TNR: variants seen among roughly 807,000 people sequenced by gnomAD.
TNR encodes tenascin-R.
In TNR, 45 loss-of-function variants were observed where a neutral mutation model predicts 150.4. The observed-to-expected ratio is 0.30, with a 90% CI of 0.24 to 0.38. TNR has a LOEUF of 0.38. TNR is among the 10% of genes least tolerant of loss of function. The pLI is 1.00. For missense variants in TNR, 1,544 were observed against 1,759.1 expected (o/e 0.88, Z 2.19); for synonymous variants, 687 against 678.4 (o/e 1.01, Z -0.20).
intron 2 of TNR, among the ~76,000 whole-genome samples, chr1:175,502,470 T>C (rs1261265638): frequency 6.6e-6 from 1 of 152,112 alleles, no homozygotes; most frequent in East Asian, 1.9e-4. Context: ...GCTCCTTGCC[T>C]CAAATTGACA....
At chr1:175,592,188 A>G (rs1028183177) in intron 1 of TNR, among the ~76,000 whole-genome samples, 2 of 152,220 alleles carry the variant, frequency 1.3e-5, no homozygotes, top group Non-Finnish European at 2.9e-5. Context: ...AAGACATAAG[A>G]GATAACTTAT....
intron 1 of TNR, among the ~76,000 whole-genome samples, chr1:175,555,631 T>A (rs1661126965): frequency 6.6e-6 from 1 of 152,134 alleles, no homozygotes; most frequent in Non-Finnish European, 1.5e-5. Flanking sequence ...GAGCTAGTCA[T>A]CTGGGGAAAA....
rs1649671845 is a variant in TNR at position 175,330,328 on chromosome 1, A to G, written c.3632-93T>C. 10 of 1,328,018 alleles carry G rather than the reference A, an allele frequency of 7.5e-6. No individual in the cohort carries two copies. In the South Asian group the frequency reaches 1.0e-4, roughly 13 times the overall value. The allele number at this position is 1,328,018 out of a possible 1,614,324, so 82.3% of individuals were successfully genotyped here. On this transcript the variant is annotated intron_variant, in intron 20 of 22. Transcript: ENST00000367674. ...CGTCTGTGGCTTCAAAACATGTTAC[A>G]GGGAAGAGGAGGGGACTCCAGATTG...
intron 9 of TNR, among the ~76,000 whole-genome samples, chr1:175,370,443 C>G (rs6693003): frequency 0.67 from 98,456 of 146,470 alleles, 33,032 homozygotes; most frequent in East Asian, 0.81. Flanking sequence ...CTGTTGACTT[C>G]TTGTTATTGG....
At chr1:175,478,116 A>G (rs533978921) in intron 2 of TNR, among the ~76,000 whole-genome samples, 1 of 152,204 alleles carries the variant, frequency 6.6e-6, no homozygotes, top group East Asian at 1.9e-4. Context: ...AAAATAAACC[A>G]TTTGGGGTTA....
chr1:175,359,498 T>C (rs993948433), intron 15 of TNR, 114 bp downstream of exon 15: 1 of 1,558,686 alleles, frequency 6.4e-7, no homozygotes. Flanking sequence ...GTAGGAACTT[T>C]TCTAATCTGT....
At position 175,567,337 on chromosome 1, in the gene TNR, T is replaced by C. The variant is rs578027313; in HGVS notation, c.-164-38968A>G. 2.0e-5 allele frequency among the ~76,000 whole-genome samples: 3 copies of C among 152,288 alleles called. No homozygotes were observed. In the East Asian group the frequency reaches 5.8e-4, roughly 29 times the overall value. On this transcript the variant is annotated intron_variant, in intron 1 of 22. Transcript: ENST00000367674. ...GCGAGTCCCTGAGAGCTGACAGTGC[T>C]GCGGGCTGATGGGCTAGCATGTGCA...
chr1:175,735,354 G>A (rs1472277856), intron 1 of TNR, among the ~76,000 whole-genome samples: 12 of 152,134 alleles, frequency 7.9e-5, no homozygotes. Context: ...CTCCACACCT[G>A]TCCCTGGGCC....
intron 2 of TNR, among the ~76,000 whole-genome samples, chr1:175,453,256 G>A (rs1656404581): frequency 6.6e-6 from 1 of 152,140 alleles, no homozygotes; most frequent in Non-Finnish European, 1.5e-5. Flanking sequence ...TCCCACTAAT[G>A]CCTCATCCGG....
chr1:175,355,423 C>G, intron 17 of TNR, 80 bp downstream of exon 17: 1 of 1,565,396 alleles, frequency 6.4e-7, no homozygotes. Flanking sequence ...CCTCCAATGT[C>G]CTGTGGTCAC....
chr1:175,566,905 G>A (rs1661665963), intron 1 of TNR, among the ~76,000 whole-genome samples: 1 of 152,214 alleles, frequency 6.6e-6, no homozygotes, highest in Non-Finnish European at 1.5e-5. Flanking sequence ...GGAACAGAAA[G>A]AGAATGCATC....
At chr1:175,434,695 G>A (rs1277735370) in intron 2 of TNR, among the ~76,000 whole-genome samples, 2 of 152,060 alleles carry the variant, frequency 1.3e-5, no homozygotes, top group Non-Finnish European at 2.9e-5. Flanking sequence ...CTTGATTTAT[G>A]CCCGGGAATA....
chr1:175,729,168 AT>A (rs984451743), intron 1 of TNR, among the ~76,000 whole-genome samples: 9 of 150,974 alleles, frequency 6.0e-5, no homozygotes, highest in Admixed American at 3.3e-4. Flanking sequence ...CCTTCCTTCC[AT>A]TTTTTTTAAA....
chr1:175,449,896 G>C (rs1026919073), intron 2 of TNR, among the ~76,000 whole-genome samples: 2 of 152,144 alleles, frequency 1.3e-5, no homozygotes, highest in African/African-American at 2.4e-5. Flanking sequence ...TTTTCTGCCC[G>C]ATCACAGATG....
intron 1 of TNR, chr1:175,538,760 G>A (rs2102186902): frequency 6.6e-6 from 1 of 152,318 alleles, no homozygotes; most frequent in East Asian, 1.9e-4. Flanking sequence ...TTCCCAGGGT[G>A]GGAGGGAGGA....
At chr1:175,413,352 C>A (rs991607140) in intron 2 of TNR, among the ~76,000 whole-genome samples, 1 of 152,186 alleles carries the variant, frequency 6.6e-6, no homozygotes, top group African/African-American at 2.4e-5. Context: ...GTGATGCTGT[C>A]GGGCAGATTT....
intron 2 of TNR, among the ~76,000 whole-genome samples, chr1:175,522,034 G>A (rs75497043): frequency 1.3e-5 from 2 of 152,242 alleles, no homozygotes; most frequent in East Asian, 3.9e-4. Flanking sequence ...ACTCAACAAA[G>A]ACTTGCTTAA....
At chr1:175,387,285 T>G (rs1049028912) in intron 7 of TNR, among the ~76,000 whole-genome samples, 7 of 152,236 alleles carry the variant, frequency 4.6e-5, no homozygotes, top group African/African-American at 1.7e-4. Context: ...CTCCATGTTT[T>G]CATTTATTAT....
At chr1:175,361,784 T>C (rs894349918) in intron 14 of TNR, among the ~76,000 whole-genome samples, 1 of 152,160 alleles carries the variant, frequency 6.6e-6, no homozygotes. Context: ...GTCTAGGGTA[T>C]GGGAATAGAA....
Sources: allele counts gnomAD v4.1 joint callset (sites outside exome capture counted in the v4.1 genomes callset), GRCh38; gene constraint gnomAD v4.1.1; transcripts MANE v1.5; gene names NCBI Gene and HGNC (gene_info 2026-07-23, HGNC 2026-07-21).